Variants in CALN1 observed in about 807,000 individuals in gnomAD.
CALN1 encodes the protein calcium-binding protein 8.
In CALN1, 17 loss-of-function variants were observed where a neutral mutation model predicts 30.6. That is an observed-to-expected ratio of 0.56 (90% CI 0.38 to 0.83). The LOEUF is 0.83. Ranked by LOEUF, CALN1 falls within the 40% of genes least tolerant of loss-of-function variation. CALN1 has a pLI of 0.00. For missense variants in CALN1, 291 were observed against 354.9 expected (o/e 0.82, Z 1.45); for synonymous variants, 156 against 131.4 (o/e 1.19, Z -1.28).
intron 3 of CALN1, among the ~76,000 whole-genome samples, chr7:72,238,438 TTTTA>T: frequency 6.6e-6 from 1 of 152,208 alleles, no homozygotes. Flanking sequence ...TTAATGATTT[TTTTA>T]TTTAATGAAT....
At chr7:72,005,398 G>T (rs2867565) in intron 5 of CALN1, among the ~76,000 whole-genome samples, 1 of 151,972 alleles carries the variant, frequency 6.6e-6, no homozygotes, top group African/African-American at 2.4e-5. Context: ...GCGTGATCAC[G>T]GCTCACTACA....
chr7:72,016,538 G>T (rs1276648012), intron 5 of CALN1, among the ~76,000 whole-genome samples: 1 of 151,720 alleles, frequency 6.6e-6, no homozygotes, highest in Non-Finnish European at 1.5e-5. Flanking sequence ...CTGGGCTCAG[G>T]CAATCCTCCT....
intron 4 of CALN1, among the ~76,000 whole-genome samples, chr7:72,081,473 G>A (rs1013396934): frequency 3.5e-5 from 4 of 113,450 alleles, no homozygotes; most frequent in Non-Finnish European, 5.7e-5. Flanking sequence ...ATCTTGCTCT[G>A]TTGCCCAAAT....
At chr7:72,374,239 G>A (rs1175173392) in intron 2 of CALN1, among the ~76,000 whole-genome samples, 1 of 152,164 alleles carries the variant, frequency 6.6e-6, no homozygotes, top group Non-Finnish European at 1.5e-5. Context: ...CTATTGAAAT[G>A]TTTAGCAGGC....
At chr7:71,792,423 G>A (rs1786621722) in intron 6 of CALN1, among the ~76,000 whole-genome samples, 1 of 152,062 alleles carries the variant, frequency 6.6e-6, no homozygotes, top group Non-Finnish European at 1.5e-5. Context: ...CTTCCCTGGG[G>A]CGATTTAAAG....
chr7:72,319,969 C>T (rs1056005547), intron 2 of CALN1, among the ~76,000 whole-genome samples: 2 of 152,132 alleles, frequency 1.3e-5, no homozygotes, highest in Admixed American at 1.3e-4. Flanking sequence ...GCTTGGCCAA[C>T]ATGGTGAAAC....
intron 5 of CALN1, among the ~76,000 whole-genome samples, chr7:71,962,469 G>A (rs574473829): frequency 6.6e-6 from 1 of 152,218 alleles, no homozygotes; most frequent in East Asian, 1.9e-4. Context: ...AGTCCATGCT[G>A]CGAACTGCTG....
chr7:72,115,864 T>C (rs1361733258), intron 3 of CALN1, among the ~76,000 whole-genome samples: 1 of 152,036 alleles, frequency 6.6e-6, no homozygotes, highest in Non-Finnish European at 1.5e-5. Flanking sequence ...ACCTACTCTC[T>C]ATTTTCATGA....
At chr7:72,487,271 C>T in the CALN1 span, among the ~76,000 whole-genome samples, 1 of 152,008 alleles carries the variant, frequency 6.6e-6, no homozygotes, top group Non-Finnish European at 1.5e-5. Flanking sequence ...GGTGAGTAGA[C>T]CTCAGAAGAG....
At chr7:72,263,266 T>C (rs1796390071) in intron 3 of CALN1, among the ~76,000 whole-genome samples, 1 of 152,244 alleles carries the variant, frequency 6.6e-6, no homozygotes, top group Non-Finnish European at 1.5e-5. Context: ...TTGCATGTAT[T>C]ATCTCTTATT....
intron 3 of CALN1, among the ~76,000 whole-genome samples, chr7:72,113,013 T>C (rs1424474282): frequency 6.6e-6 from 1 of 152,158 alleles, no homozygotes; most frequent in Non-Finnish European, 1.5e-5. Context: ...TGTCTACAAT[T>C]CTGGCTGCCC....
intron 6 of CALN1, among the ~76,000 whole-genome samples, chr7:71,798,107 GAGACAGAGACAGAGAC>G (rs1262613683): frequency 1.2e-3 from 109 of 93,228 alleles, no homozygotes; most frequent in East Asian, 6.4e-3. Flanking sequence ...GAGACAGAGA[GAGACAGAGACAGAGAC>G]AGAGAGAGAG....
chr7:71,929,839 G>T (rs553150215), intron 5 of CALN1, among the ~76,000 whole-genome samples: 1 of 152,276 alleles, frequency 6.6e-6, no homozygotes, highest in South Asian at 2.1e-4. Context: ...TGCACAATTT[G>T]CATTCACAGC....
chr7:71,916,119 A>G (rs577658659), intron 5 of CALN1, among the ~76,000 whole-genome samples: 3 of 152,262 alleles, frequency 2.0e-5, no homozygotes, highest in Admixed American at 2.0e-4. Flanking sequence ...GTGGGATGTG[A>G]CACTTGAGCG....
At chr7:72,197,155 T>C (rs946221787) in intron 3 of CALN1, among the ~76,000 whole-genome samples, 1 of 151,652 alleles carries the variant, frequency 6.6e-6, no homozygotes, top group East Asian at 1.9e-4. Context: ...TTGTTTGATT[T>C]TCATTGTCAA....
In CALN1 at chr7:71,907,239, A is replaced by AACACACACACACACACACACAC. The variant is rs71531773; in HGVS notation, c.502-96769_502-96748dup. 6.2e-3 allele frequency among the ~76,000 whole-genome samples: 914 copies of AACACACACACACACACACACAC among 147,796 alleles called. 7 individuals carry two copies. Among genetic ancestry groups the AACACACACACACACACACACAC allele is most frequent in the African/African-American group, 0.021 (848 of 40,102 alleles). ...TACTTTTAAACAGAAATGAGGTTTA[A>AACACACACACACACACACACAC]ACACACACACACACACACACACACA... On this transcript the variant is annotated intron_variant, in intron 5 of 6. Transcript: ENST00000395275.
chr7:71,963,878 A>G (rs752576457), intron 5 of CALN1, among the ~76,000 whole-genome samples: 5 of 152,206 alleles, frequency 3.3e-5, no homozygotes, highest in African/African-American at 4.8e-5. Context: ...CTCATCTAAC[A>G]TAAGAGGTAA....
intron 2 of CALN1, among the ~76,000 whole-genome samples, chr7:72,305,300 C>T (rs1342801232): frequency 3.9e-5 from 6 of 152,182 alleles, no homozygotes; most frequent in African/African-American, 1.4e-4. Flanking sequence ...GACAGGAATG[C>T]TTTTGGCAGG....
chr7:72,271,490 G>A (rs746497306), intron 3 of CALN1, among the ~76,000 whole-genome samples: 40 of 147,346 alleles, frequency 2.7e-4, no homozygotes, highest in Non-Finnish European at 4.3e-4. Flanking sequence ...TTGACTTCCC[G>A]GGCTCAAGCA....
Sources: gnomAD v4.1 joint callset for allele counts (sites outside exome capture counted in the v4.1 genomes callset) on GRCh38, gnomAD v4.1.1 for gene constraint, MANE v1.5 for transcripts, NCBI Gene and HGNC (gene_info 2026-07-23, HGNC 2026-07-21) for gene names.